Variants in NDUFAF7 observed in about 807,000 individuals in gnomAD.
NDUFAF7 encodes NADH:ubiquinone oxidoreductase complex assembly factor 7.
NDUFAF7 carries 48 observed loss-of-function variants against 47.2 expected under a neutral mutation model. The observed-to-expected ratio is 1.02, with a 90% CI of 0.81 to 1.29. The LOEUF is 1.29. Among genes scored for constraint, NDUFAF7 ranks in the 50% most tolerant of loss-of-function variants. NDUFAF7 has a pLI of 0.00. For missense variants in NDUFAF7, 635 were observed against 537.6 expected (o/e 1.18, Z -1.79); for synonymous variants, 217 against 190.0 (o/e 1.14, Z -1.17).
chr2:37,268,610 A>G, the NDUFAF7 span: 1 of 262,248 alleles, frequency 3.8e-6, no homozygotes. Flanking sequence ...TTTTTATTTG[A>G]TGGAGAAATA....
downstream of NDUFAF7, among the ~76,000 whole-genome samples, chr2:37,258,295 C>A (rs146931541): frequency 4.1e-3 from 628 of 152,320 alleles, 6 homozygotes; most frequent in African/African-American, 0.014. Flanking sequence ...ATTACTGAAT[C>A]TGGCTGCTTC....
the NDUFAF7 span, chr2:37,268,093 G>A: frequency 5.4e-5 from 16 of 293,988 alleles, no homozygotes; most frequent in Admixed American, 7.7e-4. Context: ...TACCTATTAT[G>A]TACTAGGTAT....
chr2:37,232,102 G>A lies in NDUFAF7; in HGVS notation c.56-4G>A. On this transcript the variant is annotated splice_region_variant and splice_polypyrimidine_tract_variant and intron_variant, in intron 1 of 9. Coordinates refer to ENST00000002125, the MANE Select transcript of NDUFAF7 (RefSeq NM_144736.5). ...GGGGTCTGTTTAATTTGTGTTTTTC[G>A]CAGCCATTCCTTTTATTTGGAGAGG... 1 of 1,614,200 alleles carries A rather than the reference G, an allele frequency of 6.2e-7. No homozygotes were observed. The highest frequency in any genetic ancestry group is 8.5e-7 in the Non-Finnish European group (1 of 1,180,034).
intron 4 of NDUFAF7, among the ~76,000 whole-genome samples, chr2:37,238,867 C>T (rs937270466): frequency 4.1e-5 from 6 of 146,922 alleles, no homozygotes; most frequent in Non-Finnish European, 8.9e-5. Context: ...GTGAACAAGT[C>T]CATTCATAAA....
In NDUFAF7 at chr2:37,232,329, A is replaced by T. The variant is rs1349446720; in HGVS notation, c.216+63A>T. On this transcript the variant is annotated intron_variant, in intron 2 of 9. Coordinates refer to ENST00000002125, the MANE Select transcript of NDUFAF7 (RefSeq NM_144736.5). ...GCCGATTTGCGAGGTGCAAGCCAGGAGGGAGAAGCCCGAAGGTTCTCAGCC... is the reference window on the plus strand; with the variant it reads ...GCCGATTTGCGAGGTGCAAGCCAGGTGGGAGAAGCCCGAAGGTTCTCAGCC... 70 of 1,599,658 alleles carry T rather than the reference A, an allele frequency of 4.4e-5. 3 individuals carry two copies. In the South Asian group the frequency reaches 5.3e-4, roughly 12 times the overall value.
At chr2:37,246,717 A>G (rs965560395) in intron 8 of NDUFAF7, among the ~76,000 whole-genome samples, 19 of 152,144 alleles carry the variant, frequency 1.2e-4, no homozygotes, top group African/African-American at 4.6e-4. Flanking sequence ...CATTTAACTA[A>G]ATGCTCTTAG....
At chr2:37,256,519 A>C, downstream of NDUFAF7, 24 of 1,067,150 alleles carry the variant, frequency 2.2e-5, no homozygotes, top group Non-Finnish European at 2.8e-5. Context: ...AAAAACTGGT[A>C]ACTAGTTGAA....
downstream of NDUFAF7, chr2:37,253,116 T>C: frequency 6.7e-7 from 1 of 1,482,610 alleles, no homozygotes; most frequent in South Asian, 1.3e-5. Context: ...AAAGAACAAG[T>C]TACACAGCAA....
downstream of NDUFAF7, among the ~76,000 whole-genome samples, chr2:37,257,671 GAAAAAAA>G (rs1164110574): frequency 1.1e-4 from 3 of 28,566 alleles, no homozygotes; most frequent in Non-Finnish European, 2.2e-4. Flanking sequence ...TGTCTCAAAA[GAAAAAAA>G]AAAAAAAAAA....
chr2:37,249,647 C>G (rs796669315), downstream of NDUFAF7, among the ~76,000 whole-genome samples: 6 of 60,376 alleles, frequency 9.9e-5, no homozygotes, highest in African/African-American at 3.0e-4. Flanking sequence ...GATAGAGACA[C>G]ACACACACAC....
At chr2:37,233,332 A>G (rs1267615731) in intron 2 of NDUFAF7, among the ~76,000 whole-genome samples, 1 of 152,240 alleles carries the variant, frequency 6.6e-6, no homozygotes, top group Non-Finnish European at 1.5e-5. Flanking sequence ...ATTCGCTGTA[A>G]GAGTCTGGCG....
Sources: allele counts gnomAD v4.1 joint callset (sites outside exome capture counted in the v4.1 genomes callset), GRCh38; gene constraint gnomAD v4.1.1; transcripts MANE v1.5; gene names NCBI Gene and HGNC (gene_info 2026-07-23, HGNC 2026-07-21).